Variants in PCDH17 observed in about 807,000 individuals in gnomAD.
PCDH17 encodes protocadherin 17.
PCDH17 carries 21 observed loss-of-function variants against 67.7 expected under a neutral mutation model. That is an observed-to-expected ratio of 0.31 (90% confidence interval 0.22 to 0.45). The LOEUF is 0.45. Ranked by LOEUF, PCDH17 falls within the 20% of genes least tolerant of loss-of-function variation. PCDH17 has a pLI of 1.00. For missense variants in PCDH17, 1,471 were observed against 1,564.8 expected (o/e 0.94, Z 1.01); for synonymous variants, 701 against 656.7 (o/e 1.07, Z -1.03).
At chr13:57,648,943 T>C (rs977235180) in intron 1 of PCDH17, among the ~76,000 whole-genome samples, 1 of 152,096 alleles carries the variant, frequency 6.6e-6, no homozygotes, top group African/African-American at 2.4e-5. Flanking sequence ...TGATGTATGA[T>C]AAAACTGTGT....
At chr13:57,693,212 AT>A (rs1173826669) in intron 3 of PCDH17, among the ~76,000 whole-genome samples, 1 of 2,008 alleles carries the variant, frequency 5.0e-4, no homozygotes, top group African/African-American at 4.9e-3. Flanking sequence ...GCAGACCAAC[AT>A]CTTTTTTTTT....
upstream of PCDH17, among the ~76,000 whole-genome samples, chr13:57,630,705 T>C (rs541429442): frequency 4.6e-5 from 7 of 152,350 alleles, no homozygotes; most frequent in Non-Finnish European, 8.8e-5. Flanking sequence ...TCCTTTTCTC[T>C]TGCATTTTCT....
At chr13:57,676,756 C>T (rs1593919818) in intron 3 of PCDH17, among the ~76,000 whole-genome samples, 1 of 151,710 alleles carries the variant, frequency 6.6e-6, no homozygotes, top group East Asian at 2.0e-4. Flanking sequence ...TCACTGAATC[C>T]CACAGTTTTT....
chr13:57,724,029 G>A (rs145828659), intron 3 of PCDH17, among the ~76,000 whole-genome samples: 2 of 152,116 alleles, frequency 1.3e-5, no homozygotes, highest in East Asian at 3.9e-4. Context: ...TTTTTGACAA[G>A]CTTATTCATA....
intron 3 of PCDH17, among the ~76,000 whole-genome samples, chr13:57,680,395 A>G (rs1566233180): frequency 6.6e-6 from 1 of 151,696 alleles, no homozygotes; most frequent in East Asian, 1.9e-4. Context: ...GAAATGGCAA[A>G]TAAATCAAAA....
chr13:57,678,404 G>A (rs887189242), intron 3 of PCDH17, among the ~76,000 whole-genome samples: 2 of 151,446 alleles, frequency 1.3e-5, no homozygotes, highest in Non-Finnish European at 3.0e-5. Context: ...AAATATGGAA[G>A]GATTGGACTA....
chr13:57,719,353 C>T (rs1156691665), intron 3 of PCDH17, among the ~76,000 whole-genome samples: 4 of 151,930 alleles, frequency 2.6e-5, no homozygotes, highest in Non-Finnish European at 5.9e-5. Context: ...ATGTCCTTTT[C>T]CCCTGGCCAC....
intron 3 of PCDH17, among the ~76,000 whole-genome samples, chr13:57,714,998 T>C (rs189664294): frequency 3.7e-4 from 56 of 151,972 alleles, no homozygotes; most frequent in Admixed American, 3.7e-3. Context: ...TCAATAACAG[T>C]GTCACTGGTT....
chr13:57,696,721 G>A (rs1955612342), intron 3 of PCDH17, among the ~76,000 whole-genome samples: 1 of 151,420 alleles, frequency 6.6e-6, no homozygotes, highest in South Asian at 2.1e-4. Context: ...TAAGCAAAAT[G>A]CCAGGTTTTA....
At chr13:57,713,993 CTT>C (rs1336512366) in intron 3 of PCDH17, among the ~76,000 whole-genome samples, 4 of 151,562 alleles carry the variant, frequency 2.6e-5, no homozygotes, top group African/African-American at 7.3e-5. Flanking sequence ...ACAAAGGAAA[CTT>C]TAGACCTATC....
chr13:57,646,560 T>G (rs2137992727), intron 1 of PCDH17, among the ~76,000 whole-genome samples: 1 of 151,852 alleles, frequency 6.6e-6, no homozygotes, highest in East Asian at 1.9e-4. Flanking sequence ...ATAAAAGTTT[T>G]AGGCAGAACG....
At chr13:57,670,533 A>ATTATATT (rs1955307494) in intron 3 of PCDH17, among the ~76,000 whole-genome samples, 2 of 150,308 alleles carry the variant, frequency 1.3e-5, no homozygotes, top group East Asian at 3.9e-4. Context: ...TCAGTAGCAT[A>ATTATATT]TTATATTTTA....
intron 3 of PCDH17, among the ~76,000 whole-genome samples, chr13:57,707,294 T>TA (rs555367360): frequency 3.4e-4 from 51 of 151,604 alleles, no homozygotes; most frequent in African/African-American, 1.0e-3. Flanking sequence ...ACGTATGTCA[T>TA]AAAAAAACTT....
At chr13:57,651,476 T>A (rs568479227) in intron 1 of PCDH17, among the ~76,000 whole-genome samples, 1 of 151,362 alleles carries the variant, frequency 6.6e-6, no homozygotes, top group South Asian at 2.1e-4. Context: ...TAGCTGTTAC[T>A]TCAGGCATGT....
At chr13:57,650,221 TG>T (rs1955018794) in intron 1 of PCDH17, among the ~76,000 whole-genome samples, 2 of 81,188 alleles carry the variant, frequency 2.5e-5, no homozygotes, top group African/African-American at 7.7e-5. Context: ...CCCTTGATTG[TG>T]TGTGTGTGTG....
chr13:57,723,136 A>G (rs906799207), intron 3 of PCDH17, among the ~76,000 whole-genome samples: 1 of 152,242 alleles, frequency 6.6e-6, no homozygotes, highest in Non-Finnish European at 1.5e-5. Context: ...TTTACTCATA[A>G]GAAAACATTT....
At chr13:57,673,885 CTCGGTTT>C (rs1566230861) in intron 3 of PCDH17, among the ~76,000 whole-genome samples, 3 of 120,866 alleles carry the variant, frequency 2.5e-5, no homozygotes, top group African/African-American at 2.4e-4. Context: ...CAAAATTCAT[CTCGGTTT>C]ATGTTTTCTG....
Position 57,724,755 on chromosome 13 carries a change from A to G in PCDH17, c.2941A>G (p.Asn981Asp), listed in dbSNP as rs1207574887. Reference sequence around the variant, plus strand: ...TCTCTTTGTACCTACAGTTGAAGCTAATGTTGAGACTGAGACTTACGAAAC... The same window carrying G: ...TCTCTTTGTACCTACAGTTGAAGCTGATGTTGAGACTGAGACTTACGAAAC... ...TNLFVPTVEA[N>D]VETETYETVN... is the part of the protein sequence containing the mutation. The change falls in exon 4 of 4, where the codon AAT becomes GAT. Residue 981 changes from asparagine (N) to aspartate (D), a missense_variant. Asn to Asp is a conservative substitution (Grantham distance 23, BLOSUM62 1). Around this residue, in one of 3 missense-constraint regions of PCDH17, gnomAD observed 297 missense variants for 298.6 expected, o/e 0.99. Coordinates refer to ENST00000377918, the MANE Select transcript of PCDH17 (RefSeq NM_001040429.3). The G allele has an allele frequency of 6.2e-7, 1 of 1,614,042 alleles. No homozygotes were observed. Among genetic ancestry groups the G allele is most frequent in the Non-Finnish European group, 8.5e-7 (1 of 1,180,018 alleles).
At chr13:57,661,119 C>T (rs1955178025) in intron 1 of PCDH17, among the ~76,000 whole-genome samples, 1 of 152,052 alleles carries the variant, frequency 6.6e-6, no homozygotes, top group Non-Finnish European at 1.5e-5. Context: ...GCATTTTCAC[C>T]TAAATTTATG....
Sources: gnomAD v4.1 joint callset for allele counts (sites outside exome capture counted in the v4.1 genomes callset) on GRCh38, gnomAD v4.1.1 for gene constraint, gnomAD v4.1.1 regional missense constraint, MANE v1.5 for transcripts, NCBI Gene and HGNC (gene_info 2026-07-23, HGNC 2026-07-21) for gene names.